ROR1: variants seen among roughly 807,000 people sequenced by gnomAD.
The protein encoded by ROR1 is ROR family WNT receptor 1, also known as inactive tyrosine-protein kinase transmembrane receptor ROR1.
ROR1 carries 19 observed loss-of-function variants against 78.8 expected under a neutral mutation model. That is an observed-to-expected ratio of 0.24 (90% CI 0.17 to 0.35). ROR1 has a LOEUF of 0.35. ROR1 is among the 10% of genes least tolerant of loss of function. The pLI is 1.00. For synonymous variants in ROR1, 386 were observed against 433.6 expected, an observed-to-expected ratio of 0.89 and a Z score of 1.36; for missense variants, 917 against 1,177.8, an observed-to-expected ratio of 0.78 and a Z score of 3.24.
chr1:63,957,918 A>G (rs753641633), intron 1 of ROR1, among the ~76,000 whole-genome samples: 1 of 151,516 alleles, frequency 6.6e-6, no homozygotes, highest in South Asian at 2.1e-4. Context: ...AATTTTTTGT[A>G]TCTTTAGTAG....
chr1:63,783,489 G>A (rs1357497045), intron 1 of ROR1, among the ~76,000 whole-genome samples: 1 of 152,050 alleles, frequency 6.6e-6, no homozygotes, highest in Non-Finnish European at 1.5e-5. Flanking sequence ...TTCTTTAAGC[G>A]ATTTAACTTG....
rs924942922 is a variant in ROR1, at chr1:64,177,986, C to A, written c.1945C>A (p.Gln649Lys). 6.2e-7 allele frequency: 1 copy of A among 1,614,072 alleles called. No homozygotes were observed. The highest frequency in any genetic ancestry group is 1.3e-5 in the African/African-American group (1 of 74,922). Residue 649 changes from glutamine (Q) to lysine (K), a missense_variant, in exon 9 of 9, where the codon CAG (glutamine) becomes AAG (lysine). Gln to Lys is a moderately conservative substitution (Grantham distance 53). Around this residue, in one of 3 missense-constraint regions of ROR1, gnomAD observed 835 missense variants for 1,069.8 expected, o/e 0.78. Coordinates refer to ENST00000371079, the MANE Select transcript of ROR1 (RefSeq NM_005012.4). ...EIYSADYYRVQSKSLLPIRWM... is the reference protein window; with the variant it reads ...EIYSADYYRVKSKSLLPIRWM... Reference sequence around the variant, plus strand: ...TTACTCCGCTGATTACTACAGGGTCCAGAGTAAGTCCTTGCTGCCCATTCG... The same window carrying A: ...TTACTCCGCTGATTACTACAGGGTCAAGAGTAAGTCCTTGCTGCCCATTCG...
chr1:63,797,580 T>G (rs1317759552), intron 1 of ROR1, among the ~76,000 whole-genome samples: 1 of 152,224 alleles, frequency 6.6e-6, no homozygotes, highest in Admixed American at 6.5e-5. Flanking sequence ...TTAGTAGGGT[T>G]TATTTGTTCT....
At chr1:64,007,506 T>C (rs1646438527) in intron 1 of ROR1, among the ~76,000 whole-genome samples, 1 of 152,134 alleles carries the variant, frequency 6.6e-6, no homozygotes, top group South Asian at 2.1e-4. Context: ...CAAGATTATT[T>C]GTATATTACA....
At chr1:63,994,848 G>A (rs1354486125) in intron 1 of ROR1, among the ~76,000 whole-genome samples, 1 of 152,200 alleles carries the variant, frequency 6.6e-6, no homozygotes, top group East Asian at 1.9e-4. Flanking sequence ...AGATACACAG[G>A]ATCAGACAGG....
At chr1:64,072,328 C>A (rs1188618650) in intron 4 of ROR1, among the ~76,000 whole-genome samples, 1 of 152,076 alleles carries the variant, frequency 6.6e-6, no homozygotes, top group Admixed American at 6.6e-5. Context: ...GTAAATGGCC[C>A]TCAGAGCCTC....
chr1:63,935,182 T>C (rs1385465560), intron 1 of ROR1, among the ~76,000 whole-genome samples: 3 of 152,112 alleles, frequency 2.0e-5, no homozygotes, highest in African/African-American at 4.8e-5. Flanking sequence ...CAAAAACTAA[T>C]GTCCCTGCTC....
chr1:63,788,828 C>T (rs1644707501), intron 1 of ROR1: 2 of 666,266 alleles, frequency 3.0e-6, no homozygotes, highest in Non-Finnish European at 5.6e-6. Context: ...CTCTGGGCCT[C>T]AACCTGGTTA....
chr1:63,911,797 T>C (rs933901016), intron 1 of ROR1, among the ~76,000 whole-genome samples: 4 of 152,126 alleles, frequency 2.6e-5, no homozygotes, highest in Admixed American at 6.5e-5. Context: ...AAAGCATTAA[T>C]AGGAACACTT....
At chr1:64,134,756 T>C (rs545153083) in intron 4 of ROR1, among the ~76,000 whole-genome samples, 1 of 150,486 alleles carries the variant, frequency 6.6e-6, no homozygotes, top group African/African-American at 2.4e-5. Context: ...TTCTTTTTTT[T>C]TTTTTTTTTT....
chr1:63,859,323 T>G (rs1645166407), intron 1 of ROR1, among the ~76,000 whole-genome samples: 1 of 152,222 alleles, frequency 6.6e-6, no homozygotes, highest in African/African-American at 2.4e-5. Flanking sequence ...TTGGGGACAC[T>G]TTTGTGATGC....
intron 1 of ROR1, among the ~76,000 whole-genome samples, chr1:63,996,760 G>T (rs1646340137): frequency 1.3e-5 from 2 of 152,086 alleles, no homozygotes; most frequent in African/African-American, 4.8e-5. Context: ...GTGCGCTAGA[G>T]GGGGTTAGAC....
chr1:63,783,611 T>G (rs999156889), intron 1 of ROR1, among the ~76,000 whole-genome samples: 5 of 152,172 alleles, frequency 3.3e-5, no homozygotes, highest in Admixed American at 3.3e-4. Context: ...TCCTCCACCA[T>G]GCCCAAAGCA....
chr1:64,121,555 G>A (rs993382367), intron 4 of ROR1, among the ~76,000 whole-genome samples: 4 of 152,218 alleles, frequency 2.6e-5, no homozygotes, highest in Non-Finnish European at 2.9e-5. Flanking sequence ...TGTACCAAGG[G>A]CTGGGCAGTG....
chr1:63,977,156 G>A (rs1208911049), intron 1 of ROR1, among the ~76,000 whole-genome samples: 1 of 152,168 alleles, frequency 6.6e-6, no homozygotes, highest in East Asian at 1.9e-4. Context: ...TGCCCCCCAT[G>A]ATTCATTTAC....
intron 1 of ROR1, among the ~76,000 whole-genome samples, chr1:63,909,778 T>G (rs1401393012): frequency 6.6e-6 from 1 of 152,062 alleles, no homozygotes; most frequent in Admixed American, 6.6e-5. Context: ...ATGAAATAAA[T>G]ATGTTGGAAA....
At chr1:64,013,119 A>G (rs1557608804) in intron 2 of ROR1, among the ~76,000 whole-genome samples, 1 of 152,210 alleles carries the variant, frequency 6.6e-6, no homozygotes, top group Non-Finnish European at 1.5e-5. Context: ...TGTTGTGAAA[A>G]TTCACCTGGC....
chr1:64,123,664 C>T (rs1183308576), intron 4 of ROR1, among the ~76,000 whole-genome samples: 3 of 140,318 alleles, frequency 2.1e-5, no homozygotes, highest in Admixed American at 1.5e-4. Context: ...TTTAACTTTA[C>T]TAAGGATAAA....
At chr1:63,825,624 A>G (rs1336236134) in intron 1 of ROR1, among the ~76,000 whole-genome samples, 2 of 152,250 alleles carry the variant, frequency 1.3e-5, no homozygotes, top group African/African-American at 4.8e-5. Flanking sequence ...TATATTTACT[A>G]AAATTATTGA....
Sources: allele counts gnomAD v4.1 joint callset (sites outside exome capture counted in the v4.1 genomes callset), GRCh38; gene constraint gnomAD v4.1.1; regional missense constraint gnomAD v4.1.1; transcripts MANE v1.5; gene names NCBI Gene and HGNC (gene_info 2026-07-23, HGNC 2026-07-21).